UBASH3B: variants seen among roughly 807,000 people sequenced by gnomAD.
UBASH3B encodes ubiquitin associated and SH3 domain containing B.
In UBASH3B, 37 loss-of-function variants were observed where a neutral mutation model predicts 83.4. The observed-to-expected ratio is 0.44, with a 90% CI of 0.34 to 0.58. UBASH3B has a LOEUF of 0.58. UBASH3B is among the 20% of genes least tolerant of loss of function. UBASH3B has a pLI of 0.01. For synonymous variants in UBASH3B, 304 were observed against 318.3 expected (o/e 0.96, Z 0.48); for missense variants, 657 against 827.2 (o/e 0.79, Z 2.52).
At chr11:122,713,201 C>T (rs116938532) in intron 1 of UBASH3B, among the ~76,000 whole-genome samples, 2,551 of 152,222 alleles carry the variant, frequency 0.017, 36 homozygotes, top group Admixed American at 0.024. Context: ...GCCACTGCAC[C>T]CGGCCCAGTG....
Position 122,656,130 on chromosome 11 carries a change from C to A in UBASH3B, c.81C>A (p.Asn27Lys). Reference protein sequence around the residue: ...ELYSKVTPRRNRQQRPGTIKH... With the variant: ...ELYSKVTPRRKRQQRPGTIKH... Reference sequence around the variant, plus strand: ...ACAGCAAAGTCACCCCCCGGAGGAACCGCCAACAGCGCCCCGGCACCATCA... The same window carrying A: ...ACAGCAAAGTCACCCCCCGGAGGAAACGCCAACAGCGCCCCGGCACCATCA... The change falls in exon 1 of 14, where the codon AAC becomes AAA. Residue 27 changes from asparagine to lysine, a missense_variant. This residue lies in a region of UBASH3B where 78 missense variants were observed against 68.4 expected (regional missense o/e 1.14). Transcript: ENST00000284273. 1.3e-6 allele frequency: 2 copies of A among 1,595,344 alleles called. No homozygotes were observed. The highest frequency in any genetic ancestry group is 8.5e-7 in the Non-Finnish European group (1 of 1,172,064).
chr11:122,766,400 C>G (rs1341052838), intron 1 of UBASH3B, among the ~76,000 whole-genome samples: 1 of 152,140 alleles, frequency 6.6e-6, no homozygotes, highest in African/African-American at 2.4e-5. Flanking sequence ...AAAAAATTAG[C>G]CAGGCGAGGT....
At chr11:122,785,518 G>A (rs12290180) in intron 5 of UBASH3B, among the ~76,000 whole-genome samples, 4,175 of 152,218 alleles carry the variant, frequency 0.027, 196 homozygotes, top group African/African-American at 0.093. Context: ...ATTCTCACTC[G>A]ATTTGGACAC....
intron 1 of UBASH3B, among the ~76,000 whole-genome samples, chr11:122,761,206 C>G (rs1010338317): frequency 3.3e-5 from 5 of 152,304 alleles, no homozygotes; most frequent in African/African-American, 9.6e-5. Context: ...ATGATACTAA[C>G]CCATCCTCCT....
intron 1 of UBASH3B, among the ~76,000 whole-genome samples, chr11:122,668,098 G>A (rs1371098232): frequency 6.6e-6 from 1 of 152,144 alleles, no homozygotes; most frequent in Non-Finnish European, 1.5e-5. Flanking sequence ...CGATTCTCCT[G>A]CCTCAGCCTC....
At chr11:122,703,346 G>C (rs1043620939) in intron 1 of UBASH3B, among the ~76,000 whole-genome samples, 12 of 151,966 alleles carry the variant, frequency 7.9e-5, no homozygotes, top group Admixed American at 5.9e-4. Context: ...AGAATCGCTT[G>C]AACCCAGGAG....
At chr11:122,725,900 G>C (rs1294367835) in intron 1 of UBASH3B, among the ~76,000 whole-genome samples, 2 of 152,034 alleles carry the variant, frequency 1.3e-5, no homozygotes, top group Non-Finnish European at 2.9e-5. Context: ...TACCATGTTG[G>C]CGAGGCTGGT....
rs1214800378 is a variant in UBASH3B at position 122,813,837 on chromosome 11, A to G, written c.*3951A>G. 15 of 152,242 alleles carry G rather than the reference A, an allele frequency of 9.9e-5. No homozygotes were observed. The highest frequency in any genetic ancestry group is 9.8e-4 in the Admixed American group (15 of 15,284). 9.4% of individuals were successfully genotyped at this position (152,242 alleles called of 1,614,324 possible). On this transcript the variant is annotated 3_prime_UTR_variant, in exon 14 of 14. Coordinates refer to ENST00000284273, the MANE Select transcript of UBASH3B (RefSeq NM_032873.5). ...CTTCAACATATTGAATTTCCCTAGGAAAGTGACTAGCTATAATGAAAATTC... is the reference window on the plus strand; with the variant it reads ...CTTCAACATATTGAATTTCCCTAGGGAAGTGACTAGCTATAATGAAAATTC...
At chr11:122,665,664 T>C (rs926172986) in intron 1 of UBASH3B, among the ~76,000 whole-genome samples, 1 of 152,236 alleles carries the variant, frequency 6.6e-6, no homozygotes, top group Non-Finnish European at 1.5e-5. Flanking sequence ...GACTTGATAT[T>C]TTAGAGAGTA....
At chr11:122,786,245 T>G (rs1024135670) in intron 5 of UBASH3B, among the ~76,000 whole-genome samples, 2 of 151,588 alleles carry the variant, frequency 1.3e-5, no homozygotes, top group Non-Finnish European at 2.9e-5. Context: ...GAGACAGGGT[T>G]TCACCATGTT....
intron 1 of UBASH3B, chr11:122,774,029 T>A (rs1408361226): frequency 1.4e-5 from 14 of 985,232 alleles, no homozygotes; most frequent in Non-Finnish European, 1.7e-5. Context: ...ATGATTTGTG[T>A]TGTTTTGTGC....
intron 1 of UBASH3B, among the ~76,000 whole-genome samples, chr11:122,693,404 T>C (rs1322735751): frequency 6.6e-6 from 1 of 151,772 alleles, no homozygotes; most frequent in Non-Finnish European, 1.5e-5. Flanking sequence ...CCACCCAGAG[T>C]GGTAAGGAGA....
At chr11:122,754,165 G>A (rs560079809) in intron 1 of UBASH3B, among the ~76,000 whole-genome samples, 2 of 152,286 alleles carry the variant, frequency 1.3e-5, no homozygotes, top group African/African-American at 4.8e-5. Flanking sequence ...AACTCCAAAG[G>A]TTACCCTCAA....
At chr11:122,802,313 G>GGA (rs1555148732) in intron 11 of UBASH3B, among the ~76,000 whole-genome samples, 1 of 66,220 alleles carries the variant, frequency 1.5e-5, no homozygotes, top group African/African-American at 5.2e-5. Context: ...GACTCTGTCT[G>GGA]AAAAAAAAAA....
At chr11:122,734,708 G>A (rs1245266717) in intron 1 of UBASH3B, among the ~76,000 whole-genome samples, 3 of 151,266 alleles carry the variant, frequency 2.0e-5, no homozygotes, top group African/African-American at 7.3e-5. Context: ...GGCAATTCCA[G>A]TAGAGTGAAT....
intron 5 of UBASH3B, among the ~76,000 whole-genome samples, chr11:122,787,107 C>T (rs1171251333): frequency 6.6e-6 from 1 of 151,912 alleles, no homozygotes; most frequent in Non-Finnish European, 1.5e-5. Flanking sequence ...CCATGCTGTG[C>T]TTGAACATTT....
At chr11:122,704,350 C>T (rs924307417) in intron 1 of UBASH3B, among the ~76,000 whole-genome samples, 14 of 152,236 alleles carry the variant, frequency 9.2e-5, no homozygotes, top group Admixed American at 4.6e-4. Context: ...CAAAAGGCTA[C>T]GCGGGTCAGC....
intron 11 of UBASH3B, among the ~76,000 whole-genome samples, chr11:122,803,657 G>C (rs1219360487): frequency 1.3e-5 from 2 of 152,196 alleles, no homozygotes. Flanking sequence ...TGACTCAGAG[G>C]ACAGGGGACT....
At chr11:122,658,998 G>T (rs552080601) in intron 1 of UBASH3B, among the ~76,000 whole-genome samples, 6 of 152,186 alleles carry the variant, frequency 3.9e-5, no homozygotes, top group African/African-American at 1.4e-4. Flanking sequence ...CCTACCTTCT[G>T]TTGGGGGCTG....
Sources: allele counts gnomAD v4.1 joint callset (sites outside exome capture counted in the v4.1 genomes callset), GRCh38; gene constraint gnomAD v4.1.1; regional missense constraint gnomAD v4.1.1; transcripts MANE v1.5; gene names NCBI Gene and HGNC (gene_info 2026-07-23, HGNC 2026-07-21).